ZNF362: variants seen among roughly 807,000 people sequenced by gnomAD.
ZNF362 encodes rotund homolog.
A neutral mutation model predicts 42.9 loss-of-function variants in ZNF362; 11 were observed. That is an observed-to-expected ratio of 0.26 (90% CI 0.16 to 0.42). The LOEUF is 0.42. ZNF362 is among the 20% of genes least tolerant of loss of function. The probability of loss-of-function intolerance (pLI) is 1.00; values close to 1 mark genes in which losing one functional copy is unlikely to be tolerated. For missense variants in ZNF362, 362 were observed against 576.2 expected (o/e 0.63, Z 3.81); for synonymous variants, 255 against 257.3 (o/e 0.99, Z 0.09).
At chr1:33,249,209 G>C in the ZNF362 span, among the ~76,000 whole-genome samples, 2 of 152,216 alleles carry the variant, frequency 1.3e-5, no homozygotes, top group African/African-American at 4.8e-5. Context: ...GGGCAGAGAT[G>C]GTTGGGGAGC....
the ZNF362 span, chr1:33,142,594 CCTTT>C: frequency 6.6e-6 from 1 of 152,324 alleles, no homozygotes; most frequent in South Asian, 2.1e-4. Flanking sequence ...TCACATGGGG[CCTTT>C]CTAACTCCAC....
At chr1:33,245,288 A>G in the ZNF362 span, among the ~76,000 whole-genome samples, 1 of 152,318 alleles carries the variant, frequency 6.6e-6, no homozygotes, top group East Asian at 1.9e-4. Context: ...GATGGATCAT[A>G]TTCTCAGAAA....
the ZNF362 span, chr1:33,162,788 C>G: frequency 6.6e-6 from 1 of 152,550 alleles, no homozygotes; most frequent in East Asian, 1.9e-4. Flanking sequence ...TCCTACTGAC[C>G]TACCTGGCTT....
chr1:33,281,471 G>T lies in ZNF362; in HGVS notation c.684-116G>T. 2 of 953,472 alleles carry T rather than the reference G, an allele frequency of 2.1e-6. No homozygotes were observed. The highest frequency in any genetic ancestry group is 3.2e-6 in the Non-Finnish European group (2 of 618,882). 59.1% of individuals were successfully genotyped at this position (953,472 alleles called of 1,614,324 possible). A position where few individuals can be genotyped will look rare whatever the true frequency, so the allele number is the denominator to read the frequency against. On this transcript the variant is annotated intron_variant, in intron 5 of 8. Transcript: ENST00000539719. The surrounding 1 kb of genome is among the most constrained non-coding windows in gnomAD (Gnocchi z 4.8). ...TTTCCCAGGTGGTCCTGTGCTTCTT[G>T]GGCTCATCACAGGAAAGACCTGTCC...
chr1:33,245,708 C>G, the ZNF362 span, among the ~76,000 whole-genome samples: 1 of 152,148 alleles, frequency 6.6e-6, no homozygotes, highest in South Asian at 2.1e-4. Context: ...GAGGCCCAAA[C>G]GGGAAGATCG....
chr1:33,162,136 A>G, the ZNF362 span, among the ~76,000 whole-genome samples: 2 of 152,308 alleles, frequency 1.3e-5, no homozygotes, highest in East Asian at 3.9e-4. Flanking sequence ...TGATCCTTCT[A>G]AAGTGCCAAC....
chr1:33,220,907 C>T, the ZNF362 span, among the ~76,000 whole-genome samples: 5 of 151,998 alleles, frequency 3.3e-5, no homozygotes, highest in African/African-American at 9.7e-5. Context: ...TTGTGGGTTT[C>T]GTAGGGAGGA....
the ZNF362 span, among the ~76,000 whole-genome samples, chr1:33,247,681 C>T: frequency 2.6e-5 from 4 of 152,246 alleles, no homozygotes; most frequent in African/African-American, 9.6e-5. Context: ...TGCCCTTTTC[C>T]TCTGGCAGTC....
At chr1:33,183,375 G>T in the ZNF362 span, among the ~76,000 whole-genome samples, 117 of 152,314 alleles carry the variant, frequency 7.7e-4, no homozygotes, top group Admixed American at 1.3e-3. Flanking sequence ...CCCTCATCTG[G>T]CCCAGAATCT....
intron 6 of ZNF362, among the ~76,000 whole-genome samples, chr1:33,293,469 C>T (rs1399629524): frequency 1.3e-5 from 2 of 152,198 alleles, no homozygotes; most frequent in Non-Finnish European, 2.9e-5. Flanking sequence ...AACCCTGTGT[C>T]TCTAAGTCTA....
the ZNF362 span, among the ~76,000 whole-genome samples, chr1:33,244,516 A>G: frequency 6.6e-6 from 1 of 152,246 alleles, no homozygotes; most frequent in South Asian, 2.1e-4. This position sits in a 1 kb window ranked among gnomAD's most constrained non-coding sequence, Gnocchi z 4.0. Flanking sequence ...GGACAAGGAC[A>G]TTTTGTGAGC....
At chr1:33,218,206 C>G in the ZNF362 span, among the ~76,000 whole-genome samples, 1 of 152,116 alleles carries the variant, frequency 6.6e-6, no homozygotes, top group Admixed American at 6.5e-5. Flanking sequence ...TTTGGAAGGC[C>G]AAGGTGGGAG....
chr1:33,221,258 T>A, the ZNF362 span, among the ~76,000 whole-genome samples: 1 of 152,112 alleles, frequency 6.6e-6, no homozygotes, highest in African/African-American at 2.4e-5. Context: ...AGGAGTGAGG[T>A]ACGGGCCAGG....
At chr1:33,138,365 G>A in the ZNF362 span, among the ~76,000 whole-genome samples, 10 of 152,216 alleles carry the variant, frequency 6.6e-5, no homozygotes, top group East Asian at 1.7e-3. Flanking sequence ...ATAGACTCAC[G>A]TAGAAAAAAG....
At chr1:33,210,454 A>C in the ZNF362 span, among the ~76,000 whole-genome samples, 1 of 152,162 alleles carries the variant, frequency 6.6e-6, no homozygotes, top group Admixed American at 6.5e-5. Context: ...CTTGGTCCAG[A>C]GATGAGTTCA....
chr1:33,193,004 C>CACATATATATATATATATATATATATAT, the ZNF362 span, among the ~76,000 whole-genome samples: 1 of 137,202 alleles, frequency 7.3e-6, no homozygotes, highest in East Asian at 2.2e-4. Flanking sequence ...CACACACACA[C>CACATATATATATATATATATATATATAT]ATATATATAT....
chr1:33,286,531 T>C (rs1313631007), intron 6 of ZNF362, among the ~76,000 whole-genome samples: 1 of 152,142 alleles, frequency 6.6e-6, no homozygotes, highest in African/African-American at 2.4e-5. Context: ...TGGACTAATT[T>C]GAGTTCATAA....
At chr1:33,230,508 A>G in the ZNF362 span, among the ~76,000 whole-genome samples, 1 of 152,222 alleles carries the variant, frequency 6.6e-6, no homozygotes, top group Non-Finnish European at 1.5e-5. Flanking sequence ...TGTAGGATAC[A>G]TAATACTAAT....
At chr1:33,159,470 G>T in the ZNF362 span, among the ~76,000 whole-genome samples, 1 of 152,142 alleles carries the variant, frequency 6.6e-6, no homozygotes, top group African/African-American at 2.4e-5. The surrounding 1 kb of genome is among the most constrained non-coding windows in gnomAD (Gnocchi z 4.2). Context: ...TTCAAACTGT[G>T]TTCCTCACCA....
Sources: gnomAD v4.1 joint callset for allele counts (sites outside exome capture counted in the v4.1 genomes callset) on GRCh38, gnomAD v4.1.1 for gene constraint, Gnocchi (gnomAD v3.1) non-coding constraint, MANE v1.5 for transcripts, NCBI Gene and HGNC (gene_info 2026-07-23, HGNC 2026-07-21) for gene names.